Variants in ITFG1 observed in about 807,000 individuals in gnomAD.
The protein encoded by ITFG1 is T-cell immunomodulatory protein.
ITFG1 carries 34 observed loss-of-function variants against 81.8 expected under a neutral mutation model. That is an observed-to-expected ratio of 0.42 (90% CI 0.32 to 0.55). The LOEUF (loss-of-function observed/expected upper bound fraction) is 0.55. Among genes scored for constraint, ITFG1 ranks in the 20% least tolerant of loss-of-function variants. ITFG1 has a pLI of 0.17. For synonymous variants in ITFG1, 285 were observed against 270.6 expected, an observed-to-expected ratio of 1.05 and a Z score of -0.52; for missense variants, 672 against 755.4, an observed-to-expected ratio of 0.89 and a Z score of 1.29.
chr16:47,422,419 C>T (rs909099364), intron 6 of ITFG1, among the ~76,000 whole-genome samples: 6 of 152,148 alleles, frequency 3.9e-5, no homozygotes, highest in Non-Finnish European at 8.8e-5. Flanking sequence ...ATTTTCACAT[C>T]GATGTTCATC....
chr16:47,200,317 T>C (rs1332637511), intron 14 of ITFG1, among the ~76,000 whole-genome samples: 1 of 152,256 alleles, frequency 6.6e-6, no homozygotes, highest in Non-Finnish European at 1.5e-5. Flanking sequence ...TAAAATGGCA[T>C]TTCAAATTCA....
chr16:47,267,323 A>G (rs546217319), intron 10 of ITFG1, among the ~76,000 whole-genome samples: 1 of 152,308 alleles, frequency 6.6e-6, no homozygotes, highest in South Asian at 2.1e-4. Context: ...CACCAGAACA[A>G]AGAGAGTCAT....
chr16:47,180,751 C>A (rs922799409), intron 14 of ITFG1, among the ~76,000 whole-genome samples: 1 of 152,178 alleles, frequency 6.6e-6, no homozygotes, highest in Non-Finnish European at 1.5e-5. Context: ...ACCTCCCAGC[C>A]GCCTGCCTTG....
intron 10 of ITFG1, among the ~76,000 whole-genome samples, chr16:47,280,675 T>C (rs1461971876): frequency 5.9e-5 from 9 of 152,124 alleles, no homozygotes; most frequent in African/African-American, 2.2e-4. Context: ...CTAAGGCCCT[T>C]AGATAGCTTC....
At chr16:47,360,077 T>A (rs1968090530) in intron 8 of ITFG1, among the ~76,000 whole-genome samples, 1 of 152,118 alleles carries the variant, frequency 6.6e-6, no homozygotes, top group South Asian at 2.1e-4. Flanking sequence ...ACAATAAAAA[T>A]ATTTCATTAT....
chr16:47,440,667 T>C (rs1969235592), intron 5 of ITFG1, among the ~76,000 whole-genome samples: 2 of 151,716 alleles, frequency 1.3e-5, no homozygotes, highest in African/African-American at 4.8e-5. Context: ...TACCAGAATC[T>C]CTGGGACACA....
chr16:47,438,592 T>C (rs1465475978), intron 5 of ITFG1, among the ~76,000 whole-genome samples: 1 of 152,168 alleles, frequency 6.6e-6, no homozygotes. Flanking sequence ...AGTGGACCTC[T>C]AGTAAATTCC....
intron 14 of ITFG1, among the ~76,000 whole-genome samples, chr16:47,214,510 C>A (rs562166188): frequency 6.6e-6 from 1 of 152,220 alleles, no homozygotes; most frequent in East Asian, 1.9e-4. Context: ...ATTGTTTAGG[C>A]AATTTGGATG....
intron 10 of ITFG1, among the ~76,000 whole-genome samples, chr16:47,268,338 C>A (rs1281692785): frequency 6.6e-6 from 1 of 152,066 alleles, no homozygotes; most frequent in African/African-American, 2.4e-5. Flanking sequence ...AAAGCTTACT[C>A]AAGAAGAGAT....
At chr16:47,327,542 T>A (rs972160702) in intron 8 of ITFG1, among the ~76,000 whole-genome samples, 3 of 152,050 alleles carry the variant, frequency 2.0e-5, no homozygotes, top group Non-Finnish European at 2.9e-5. Flanking sequence ...ACAGGCAACC[T>A]ACAAAATGGG....
rs775162362 is a variant in ITFG1, at chr16:47,311,376, T to C, written c.934A>G (p.Thr312Ala). Residue 312 changes from threonine (T) to alanine (A), a missense_variant, in exon 10 of 18, where the codon ACA becomes GCA. Transcript: ENST00000320640. ...PVLQDFSNKG[T>A]LWGFVPFVDE... is the part of the protein sequence containing the mutation. ...ACAAATGGCACAAAGCCCCAGAGTGTGCCCTTATTGCTGAAATCTTGTAGG... is the reference window on the plus strand; with the variant it reads ...ACAAATGGCACAAAGCCCCAGAGTGCGCCCTTATTGCTGAAATCTTGTAGG... 6.2e-7 allele frequency: 1 copy of C among 1,613,400 alleles called. No homozygotes were observed. The highest frequency in any genetic ancestry group is 2.2e-5 in the East Asian group (1 of 44,830).
intron 7 of ITFG1, among the ~76,000 whole-genome samples, chr16:47,370,714 C>A (rs1435738671): frequency 1.3e-5 from 2 of 152,204 alleles, no homozygotes; most frequent in Non-Finnish European, 1.5e-5. Flanking sequence ...CCTCATCACG[C>A]AGTGCCTGGC....
At chr16:47,190,077 ATGT>A (rs1181734255) in intron 14 of ITFG1, among the ~76,000 whole-genome samples, 1 of 152,172 alleles carries the variant, frequency 6.6e-6, no homozygotes, top group Non-Finnish European at 1.5e-5. Flanking sequence ...AAAGTGAACA[ATGT>A]TGTAAAAATG....
chr16:47,322,681 C>A (rs1459727169), intron 8 of ITFG1, among the ~76,000 whole-genome samples: 1 of 152,176 alleles, frequency 6.6e-6, no homozygotes, highest in Non-Finnish European at 1.5e-5. Flanking sequence ...TACAGTGAGA[C>A]TCTGTCTCAC....
chr16:47,279,011 GT>G (rs1205240938), intron 10 of ITFG1, among the ~76,000 whole-genome samples: 8 of 151,918 alleles, frequency 5.3e-5, no homozygotes, highest in Admixed American at 3.9e-4. Flanking sequence ...TGAGTTTAGA[GT>G]TTTTTTATAT....
chr16:47,425,395 A>G (rs1173787718), intron 6 of ITFG1, among the ~76,000 whole-genome samples: 1 of 152,090 alleles, frequency 6.6e-6, no homozygotes, highest in Non-Finnish European at 1.5e-5. Context: ...GACCCCCTGC[A>G]GTTCCTGGGT....
At chr16:47,261,673 A>G (rs1294848462) in intron 10 of ITFG1, among the ~76,000 whole-genome samples, 1 of 152,124 alleles carries the variant, frequency 6.6e-6, no homozygotes, top group African/African-American at 2.4e-5. Flanking sequence ...TCTAATAATA[A>G]TTACTTTTCA....
intron 5 of ITFG1, among the ~76,000 whole-genome samples, chr16:47,441,543 G>C (rs1375852482): frequency 1.3e-5 from 2 of 152,042 alleles, no homozygotes; most frequent in Non-Finnish European, 1.5e-5. Flanking sequence ...ATAAATACAC[G>C]CAATCCAGCA....
Position 47,311,257 on chromosome 16 carries a change from T to G in ITFG1, c.1053A>C (p.Leu351=), listed in dbSNP as rs370897829. Reference sequence around the variant, plus strand: ...TTCCTTACCTTCCAGATGTGTTCTTTAGTATGACCAGAGCGTCTGGATAGC... The same window carrying G: ...TTCCTTACCTTCCAGATGTGTTCTTGAGTATGACCAGAGCGTCTGGATAGC... ...MDGYPDALVI[L]KNTSGSNQQA... The change falls in exon 10 of 18, where the codon CTA becomes CTC. Residue 351 remains leucine (L), a synonymous_variant. Coordinates refer to ENST00000320640, the MANE Select transcript of ITFG1 (RefSeq NM_030790.5). 6.2e-7 allele frequency: 1 copy of G among 1,608,122 alleles called. No individual in the cohort carries two copies. The highest frequency in any genetic ancestry group is 8.5e-7 in the Non-Finnish European group (1 of 1,177,236).
Sources: allele counts gnomAD v4.1 joint callset (sites outside exome capture counted in the v4.1 genomes callset), GRCh38; gene constraint gnomAD v4.1.1; transcripts MANE v1.5; gene names NCBI Gene and HGNC (gene_info 2026-07-23, HGNC 2026-07-21).